C5orf52: variants seen among roughly 807,000 people sequenced by gnomAD.
The protein encoded by C5orf52 is uncharacterized protein C5orf52.
C5orf52 carries 15 observed loss-of-function variants against 16.8 expected under a neutral mutation model. The ratio of observed to expected loss-of-function variants is 0.89; its 90% CI spans 0.60 to 1.38. C5orf52 has a LOEUF of 1.38. Among genes scored for constraint, C5orf52 ranks in the 40% most tolerant of loss-of-function variants. C5orf52 has a pLI of 0.00. For synonymous variants in C5orf52, 83 were observed against 87.2 expected (o/e 0.95, Z 0.27); for missense variants, 206 against 213.1 (o/e 0.97, Z 0.21).
Position 157,671,611 on chromosome 5 carries a change from C to T in C5orf52, c.-4C>T. 6.5e-7 allele frequency: 1 copy of T among 1,545,282 alleles called. No homozygotes were observed. The highest frequency in any genetic ancestry group is 1.7e-4 in the Middle Eastern group (1 of 5,956). ...CCAACTCTTTCTCCAACAGGGAAGC[C>T]GCAATGACACAGCCGACTAGGCCCT... On this transcript the variant is annotated 5_prime_UTR_variant, in exon 1 of 3. Coordinates refer to ENST00000409999, the MANE Select transcript of C5orf52 (RefSeq NM_001145132.2).
At chr5:157,675,048 C>T (rs769593871) in intron 1 of C5orf52, 44 bp from the exon 2 acceptor site, 26 of 1,348,592 alleles carry the variant, frequency 1.9e-5, no homozygotes, top group Non-Finnish European at 2.6e-5. Flanking sequence ...TGGCCCAGGC[C>T]CCAACCGTCT....
intron 1 of C5orf52, among the ~76,000 whole-genome samples, chr5:157,673,072 T>G (rs1262853323): frequency 6.7e-6 from 1 of 150,226 alleles, no homozygotes; most frequent in African/African-American, 2.4e-5. Flanking sequence ...GTGCAGTGGC[T>G]CATGCCTGTA....
upstream of C5orf52, among the ~76,000 whole-genome samples, chr5:157,670,963 T>C (rs77052340): frequency 0.012 from 1,795 of 152,218 alleles, 38 homozygotes; most frequent in African/African-American, 0.041. Flanking sequence ...GCACCACTTA[T>C]AGGGGTGGGC....
intron 1 of C5orf52, among the ~76,000 whole-genome samples, chr5:157,673,200 A>G (rs1253141323): frequency 2.0e-5 from 3 of 151,836 alleles, no homozygotes; most frequent in Non-Finnish European, 4.4e-5. Context: ...TTAGCCGGGC[A>G]TGGTGGCTGG....
upstream of C5orf52, chr5:157,671,280 G>C (rs1759780112): frequency 6.9e-6 from 2 of 291,598 alleles, no homozygotes; most frequent in South Asian, 9.5e-5. Context: ...CCAGCAGGCC[G>C]GGGTCACTGC....
rs981249398 is a variant in C5orf52 at position 157,679,846 on chromosome 5, C to A, written c.327C>A (p.Ser109Arg). Residue 109 changes from serine to arginine, a missense_variant, in exon 3 of 3, where the codon AGC becomes AGA. Coordinates refer to ENST00000409999, the MANE Select transcript of C5orf52 (RefSeq NM_001145132.2). Reference sequence around the variant, plus strand: ...TCACCTCTGTTTTTTGTAAGGTGAGCGCTTTAGAGAAGACCAAGAAAAAGA... The same window carrying A: ...TCACCTCTGTTTTTTGTAAGGTGAGAGCTTTAGAGAAGACCAAGAAAAAGA... ...ITQRIYEMEV[S>R]ALEKTKKKIS... 1.9e-6 allele frequency: 3 copies of A among 1,548,290 alleles called. No individual in the cohort carries two copies. Among genetic ancestry groups the A allele is most frequent in the East Asian group, 2.4e-5 (1 of 40,880 alleles).
chr5:157,679,121 G>A (rs1313871463), intron 2 of C5orf52, among the ~76,000 whole-genome samples: 9 of 150,954 alleles, frequency 6.0e-5, no homozygotes, highest in African/African-American at 1.7e-4. Flanking sequence ...GTGACAGTGC[G>A]AGACTCCATC....
At chr5:157,671,429 G>A (rs1029214081), upstream of C5orf52, 4 of 588,332 alleles carry the variant, frequency 6.8e-6, no homozygotes, top group Admixed American at 6.7e-5. Context: ...CGTGGCCGCC[G>A]GACTCTGCAC....
At chr5:157,675,945 C>T (rs185411163) in intron 2 of C5orf52, among the ~76,000 whole-genome samples, 1 of 152,158 alleles carries the variant, frequency 6.6e-6, no homozygotes, top group Admixed American at 6.6e-5. Flanking sequence ...ATTCATTAAA[C>T]CTGTCCTTAG....
At chr5:157,674,925 C>G (rs1486404898) in intron 1 of C5orf52, among the ~76,000 whole-genome samples, 167 bp from the exon 2 acceptor site, 1 of 152,166 alleles carries the variant, frequency 6.6e-6, no homozygotes, top group East Asian at 1.9e-4. Context: ...TTTTCCACAA[C>G]AAGAAACTGT....
intron 2 of C5orf52, among the ~76,000 whole-genome samples, chr5:157,675,770 C>A (rs1759882505): frequency 6.6e-6 from 1 of 152,188 alleles, no homozygotes; most frequent in Non-Finnish European, 1.5e-5. Context: ...TTGAATGGGC[C>A]TCAACACCAT....
In C5orf52 at chr5:157,674,947, T is replaced by C. The variant is rs574962108; in HGVS notation, c.213-145T>C. On this transcript the variant is annotated intron_variant, in intron 1 of 2. Coordinates refer to ENST00000409999, the MANE Select transcript of C5orf52 (RefSeq NM_001145132.2). ...CAACAAGAAACTGTGGTTACTCCCC[T>C]GTTCTTTTGAAAATTATGACAGAGC... 55 of 598,656 alleles carry C rather than the reference T, an allele frequency of 9.2e-5. No homozygotes were observed. In the South Asian group the frequency reaches 9.7e-4, roughly 11 times the overall value. The allele number at this position is 598,656 out of a possible 1,614,324, so 37.1% of individuals were successfully genotyped here. A position where few individuals can be genotyped will look rare whatever the true frequency, so the allele number is the denominator to read the frequency against.
chr5:157,671,812 GC>G lies in C5orf52; in HGVS notation c.200del (p.Pro67ArgfsTer6), dbSNP rs1439209865. 1 of 1,538,262 alleles carries G rather than the reference GC, an allele frequency of 6.5e-7. No individual in the cohort carries two copies. Among genetic ancestry groups the G allele is most frequent in the South Asian group, 1.2e-5 (1 of 81,482 alleles). The part of the protein sequence containing the change: ...CFPRPRSAQQ[P>X]VLFSLMNSSE... Reference sequence around the variant, plus strand: ...TTCCGCGGCCGAGGTCCGCGCAGCAGCCGGTGCTGTTCAGGTGTGGCCCGCA... The same window carrying G: ...TTCCGCGGCCGAGGTCCGCGCAGCAGCGGTGCTGTTCAGGTGTGGCCCGCA... On this transcript the variant is annotated frameshift_variant, in exon 1 of 3. Transcript: ENST00000409999. LOFTEE classifies it high-confidence loss of function.
chr5:157,671,897 C>A, intron 1 of C5orf52, 71 bp downstream of exon 1: 1 of 1,065,690 alleles, frequency 9.4e-7, no homozygotes, highest in Non-Finnish European at 1.3e-6. Context: ...CTTTGGGACT[C>A]GCGCTCCCCT....
chr5:157,673,485 T>C (rs925751362), intron 1 of C5orf52, among the ~76,000 whole-genome samples: 1 of 152,122 alleles, frequency 6.6e-6, no homozygotes, highest in African/African-American at 2.4e-5. Context: ...TAAAAAACAA[T>C]ACATCACAAA....
intron 2 of C5orf52, among the ~76,000 whole-genome samples, 159 bp from the exon 3 acceptor site, chr5:157,679,682 A>G (rs1561596741): frequency 1.3e-5 from 2 of 152,152 alleles, no homozygotes; most frequent in African/African-American, 4.8e-5. Context: ...ATAGAGAAAT[A>G]GGCTCTCTGT....
At position 157,680,083 on chromosome 5, in the gene C5orf52, G is replaced by A. The variant is rs1322419153; in HGVS notation, c.*84G>A. 1.9e-5 allele frequency: 24 copies of A among 1,271,816 alleles called. No homozygotes were observed. The highest frequency in any genetic ancestry group is 4.5e-5 in the African/African-American group (3 of 65,978). The allele number at this position is 1,271,816 out of a possible 1,614,324, so 78.8% of individuals were successfully genotyped here. A position where few individuals can be genotyped will look rare whatever the true frequency, so the allele number is the denominator to read the frequency against. ...GGTCACGATGACACCAGTGTGACCCGAGGAGAACTAGTAACTACAACCTAC... is the reference window on the plus strand; with the variant it reads ...GGTCACGATGACACCAGTGTGACCCAAGGAGAACTAGTAACTACAACCTAC... On this transcript the variant is annotated 3_prime_UTR_variant, in exon 3 of 3. Transcript: ENST00000409999.
At chr5:157,671,918 C>A in intron 1 of C5orf52, 92 bp downstream of exon 1, 1 of 898,230 alleles carries the variant, frequency 1.1e-6, no homozygotes, top group Non-Finnish European at 1.6e-6. Flanking sequence ...TAGCCGGACC[C>A]CGGCCCTTTT....
At chr5:157,671,439 C>T, upstream of C5orf52, 3 of 606,262 alleles carry the variant, frequency 4.9e-6, no homozygotes, top group Non-Finnish European at 8.9e-6. Context: ...GGACTCTGCA[C>T]GCATGTCCAA....
Sources: gnomAD v4.1 joint callset for allele counts (sites outside exome capture counted in the v4.1 genomes callset) on GRCh38, gnomAD v4.1.1 for gene constraint, MANE v1.5 for transcripts, NCBI Gene and HGNC (gene_info 2026-07-23, HGNC 2026-07-21) for gene names.